Variants in ANGPT1 observed in about 807,000 individuals in gnomAD.
The protein encoded by ANGPT1 is angiopoietin 1, also known as angiopoietin-1.
In ANGPT1, 17 loss-of-function variants were observed where a neutral mutation model predicts 62.2. That is an observed-to-expected ratio of 0.27 (90% CI 0.19 to 0.41). The LOEUF (loss-of-function observed/expected upper bound fraction) is 0.41, where lower values mean the gene tolerates loss of function less well. ANGPT1 is among the 10% of genes least tolerant of loss of function. The probability of loss-of-function intolerance (pLI) is 1.00; values close to 1 mark genes in which losing one functional copy is unlikely to be tolerated. For missense variants in ANGPT1, 478 were observed against 594.9 expected, an observed-to-expected ratio of 0.80 and a Z score of 2.04; for synonymous variants, 199 against 198.9, an observed-to-expected ratio of 1.00 and a Z score of 0.00.
At chr8:107,494,815 C>G (rs1008347397) in intron 1 of ANGPT1, 5 of 152,284 alleles carry the variant, frequency 3.3e-5, no homozygotes, top group Non-Finnish European at 5.9e-5. Context: ...CACATCTATT[C>G]TGCCTCAAAA....
chr8:107,334,000 A>AG (rs1815495805), intron 3 of ANGPT1, among the ~76,000 whole-genome samples: 1 of 130,730 alleles, frequency 7.6e-6, no homozygotes, highest in African/African-American at 2.9e-5. Flanking sequence ...GAGGGAGGGA[A>AG]GGAAGGAAGG....
chr8:107,403,397 T>G (rs2130336923), intron 1 of ANGPT1, among the ~76,000 whole-genome samples: 1 of 152,242 alleles, frequency 6.6e-6, no homozygotes, highest in South Asian at 2.1e-4. Context: ...ATTCGGCCTC[T>G]ATTATGGGAG....
intron 1 of ANGPT1, among the ~76,000 whole-genome samples, chr8:107,480,038 C>T (rs1403914586): frequency 6.6e-6 from 1 of 152,100 alleles, no homozygotes; most frequent in Non-Finnish European, 1.5e-5. Context: ...TTATCCATGT[C>T]ATAAGTCTTA....
intron 1 of ANGPT1, among the ~76,000 whole-genome samples, chr8:107,364,561 G>A (rs552102669): frequency 2.6e-5 from 4 of 152,236 alleles, no homozygotes; most frequent in African/African-American, 7.2e-5. Flanking sequence ...GATTACAGGC[G>A]TGAGCCACTG....
chr8:107,487,603 G>A (rs1012736209), intron 1 of ANGPT1, among the ~76,000 whole-genome samples: 1 of 152,084 alleles, frequency 6.6e-6, no homozygotes, highest in Non-Finnish European at 1.5e-5. Context: ...AATTGATGGG[G>A]CTGCCTCACT....
chr8:107,471,415 G>T (rs918261576), intron 1 of ANGPT1, among the ~76,000 whole-genome samples: 1 of 152,024 alleles, frequency 6.6e-6, no homozygotes, highest in African/African-American at 2.4e-5. Context: ...GCTGTGGGGG[G>T]ACTAGGGGAG....
chr8:107,296,200 G>C (rs763373612), intron 5 of ANGPT1, among the ~76,000 whole-genome samples: 7 of 152,060 alleles, frequency 4.6e-5, no homozygotes, highest in Non-Finnish European at 1.0e-4. Context: ...GAGTGAGAAG[G>C]GTCAAAGAAC....
rs565370995 is a variant in ANGPT1 at position 107,339,818 on chromosome 8, A to G, written c.454-3547T>C. Among the ~76,000 whole-genome samples, 15 of 152,302 alleles carry G rather than the reference A, an allele frequency of 9.8e-5. No homozygotes were observed. The South Asian group carries it at 1.5e-3, about 15-fold the overall frequency. ...TTGAGTCATGGTCACAGAAAGGGTA[A>G]CAGGGCCGACATGAATATCAAGTTA... On this transcript the variant is annotated intron_variant, in intron 2 of 8. Coordinates refer to ENST00000517746, the MANE Select transcript of ANGPT1 (RefSeq NM_001146.5).
chr8:107,418,457 C>CA, intron 1 of ANGPT1, among the ~76,000 whole-genome samples: 1 of 152,178 alleles, frequency 6.6e-6, no homozygotes, highest in Non-Finnish European at 1.5e-5. Flanking sequence ...TGACATTCAA[C>CA]TGAATTTTGT....
chr8:107,313,127 AATAATTAAG>A (rs1322861318), intron 4 of ANGPT1, among the ~76,000 whole-genome samples: 8 of 147,212 alleles, frequency 5.4e-5, no homozygotes, highest in African/African-American at 2.2e-4. Flanking sequence ...CACACCTAAA[AATAATTAAG>A]ATAATTAAGA....
At chr8:107,390,104 A>C (rs1299753197) in intron 1 of ANGPT1, among the ~76,000 whole-genome samples, 2 of 152,154 alleles carry the variant, frequency 1.3e-5, no homozygotes, top group Non-Finnish European at 2.9e-5. Flanking sequence ...AATACAACAA[A>C]AGGTGAATTA....
intron 8 of ANGPT1, among the ~76,000 whole-genome samples, chr8:107,262,306 G>T (rs1813511365): frequency 1.3e-5 from 2 of 152,160 alleles, no homozygotes; most frequent in Admixed American, 1.3e-4. Context: ...TTTAAAATTT[G>T]AAAGTTATTT....
At chr8:107,429,862 G>A (rs1275617990) in intron 1 of ANGPT1, among the ~76,000 whole-genome samples, 3 of 152,128 alleles carry the variant, frequency 2.0e-5, no homozygotes. Flanking sequence ...CTGACAGAAT[G>A]ATGGTTTATT....
intron 1 of ANGPT1, among the ~76,000 whole-genome samples, chr8:107,467,875 C>T (rs974571240): frequency 2.6e-5 from 4 of 152,142 alleles, no homozygotes; most frequent in Non-Finnish European, 4.4e-5. Flanking sequence ...TGTGCTAGTA[C>T]TTTAAACAGG....
chr8:107,330,314 G>C (rs1367070414), intron 3 of ANGPT1, among the ~76,000 whole-genome samples: 5 of 152,078 alleles, frequency 3.3e-5, no homozygotes, highest in Non-Finnish European at 7.4e-5. Context: ...GTTGCACAAA[G>C]TCACACAAAT....
intron 3 of ANGPT1, among the ~76,000 whole-genome samples, chr8:107,331,160 C>T (rs1815410664): frequency 6.6e-6 from 1 of 151,998 alleles, no homozygotes; most frequent in East Asian, 1.9e-4. Flanking sequence ...TTTCTTTAGG[C>T]ATATTAAGCA....
intron 1 of ANGPT1, among the ~76,000 whole-genome samples, chr8:107,458,218 T>G (rs1309142513): frequency 6.6e-6 from 1 of 152,198 alleles, no homozygotes; most frequent in Non-Finnish European, 1.5e-5. Context: ...TATGATCACA[T>G]TCTAACATGC....
chr8:107,311,351 A>C (rs1395582691), intron 4 of ANGPT1, among the ~76,000 whole-genome samples: 1 of 152,110 alleles, frequency 6.6e-6, no homozygotes, highest in Non-Finnish European at 1.5e-5. Flanking sequence ...AAAAGCCATA[A>C]TTTTATTCAA....
intron 1 of ANGPT1, among the ~76,000 whole-genome samples, chr8:107,434,534 G>C (rs1192670768): frequency 1.3e-5 from 2 of 152,056 alleles, no homozygotes; most frequent in Non-Finnish European, 2.9e-5. Context: ...ATTCAGTAGA[G>C]GAGATGAACG....
Sources: allele counts gnomAD v4.1 joint callset (sites outside exome capture counted in the v4.1 genomes callset), GRCh38; gene constraint gnomAD v4.1.1; transcripts MANE v1.5; gene names NCBI Gene and HGNC (gene_info 2026-07-23, HGNC 2026-07-21).